Variants in MKX observed in about 807,000 individuals in gnomAD.
The protein encoded by MKX is mohawk homeobox, also known as homeobox protein Mohawk.
In MKX, 13 loss-of-function variants were observed where a neutral mutation model predicts 36.0. The observed-to-expected ratio is 0.36, with a 90% CI of 0.24 to 0.57. The LOEUF (loss-of-function observed/expected upper bound fraction) is 0.57, where lower values mean the gene tolerates loss of function less well. MKX is among the 20% of genes least tolerant of loss of function. The pLI, the probability that MKX is intolerant of heterozygous loss-of-function variation, is 0.79. For missense variants in MKX, 458 were observed against 456.4 expected, an observed-to-expected ratio of 1.00 and a Z score of -0.03; for synonymous variants, 176 against 178.3, an observed-to-expected ratio of 0.99 and a Z score of 0.10.
intron 5 of MKX, among the ~76,000 whole-genome samples, chr10:27,690,109 A>C (rs1836426453): frequency 1.3e-5 from 2 of 152,200 alleles, no homozygotes; most frequent in East Asian, 3.9e-4. Flanking sequence ...GTGGCGGCTC[A>C]CGCTTGTAAT....
intron 5 of MKX, among the ~76,000 whole-genome samples, chr10:27,676,963 C>T (rs745346008): frequency 3.3e-5 from 5 of 152,076 alleles, no homozygotes; most frequent in Admixed American, 1.3e-4. Context: ...AAAGAACCCA[C>T]GAAAATGGGT....
intron 5 of MKX, among the ~76,000 whole-genome samples, chr10:27,713,254 A>C (rs747227444): frequency 6.6e-6 from 1 of 152,180 alleles, no homozygotes; most frequent in African/African-American, 2.4e-5. Flanking sequence ...AGGGATTGCT[A>C]TTTAGATCAA....
intron 5 of MKX, among the ~76,000 whole-genome samples, chr10:27,707,939 A>G (rs963921933): frequency 6.6e-6 from 1 of 151,852 alleles, no homozygotes; most frequent in Admixed American, 6.6e-5. Context: ...ATGAAGGTAA[A>G]CAGGTCTCTG....
intron 5 of MKX, among the ~76,000 whole-genome samples, chr10:27,703,778 T>C (rs1564353460): frequency 6.6e-6 from 1 of 152,074 alleles, no homozygotes; most frequent in Non-Finnish European, 1.5e-5. Flanking sequence ...CGTGCACCTA[T>C]AATCCCAACT....
chr10:27,707,390 A>G (rs762278606), intron 5 of MKX, among the ~76,000 whole-genome samples: 1 of 152,306 alleles, frequency 6.6e-6, no homozygotes, highest in South Asian at 2.1e-4. Flanking sequence ...AAATATTTTC[A>G]TGGGTCCTGG....
At chr10:27,730,324 T>G (rs1834596029) in intron 5 of MKX, among the ~76,000 whole-genome samples, 1 of 152,224 alleles carries the variant, frequency 6.6e-6, no homozygotes, top group Non-Finnish European at 1.5e-5. Context: ...GCATTTGCTT[T>G]GATGTTTCTA....
intron 5 of MKX, among the ~76,000 whole-genome samples, chr10:27,724,103 G>A (rs762951505): frequency 6.6e-6 from 1 of 151,998 alleles, no homozygotes; most frequent in Non-Finnish European, 1.5e-5. Flanking sequence ...TGTAAAAAAT[G>A]TTCTCTTTAT....
intron 5 of MKX, among the ~76,000 whole-genome samples, chr10:27,711,428 T>G (rs1278307682): frequency 9.4e-4 from 117 of 125,088 alleles, no homozygotes; most frequent in Non-Finnish European, 9.6e-5. Flanking sequence ...TTCTTTCTTT[T>G]CTCTTTCTTT....
At position 27,741,165 on chromosome 10, in the gene MKX, C is replaced by A. The variant is rs1907376; in HGVS notation, c.348+180G>T. ...ACAGCGCATCCTGCATTCTTTCCTG[C>A]ACGGAGCATCTGCACTGAACTGAGG... is the stretch of plus-strand genomic sequence containing the variant. On this transcript the variant is annotated intron_variant, in intron 3 of 6. Transcript: ENST00000419761. This position sits in a 1 kb window ranked among gnomAD's most constrained non-coding sequence, Gnocchi z 5.1. 0.67 allele frequency among the ~76,000 whole-genome samples: 102,117 copies of A among 151,602 alleles called. 36,309 individuals carry two copies. Among genetic ancestry groups the A allele is most frequent in the Non-Finnish European group, 0.8 (54,199 of 67,826 alleles).
At chr10:27,685,238 T>TA (rs56177111) in intron 5 of MKX, among the ~76,000 whole-genome samples, 20 of 152,048 alleles carry the variant, frequency 1.3e-4, no homozygotes, top group Non-Finnish European at 2.4e-4. Flanking sequence ...GCATTGTATA[T>TA]GAAAGCCTAT....
At chr10:27,694,513 T>C (rs1836513518) in intron 5 of MKX, among the ~76,000 whole-genome samples, 1 of 34,368 alleles carries the variant, frequency 2.9e-5, no homozygotes, top group Admixed American at 3.8e-4. Flanking sequence ...ACCCCGTCTC[T>C]ACTAAAAAAA....
chr10:27,684,252 C>T (rs1260462925), intron 5 of MKX, among the ~76,000 whole-genome samples: 4 of 152,038 alleles, frequency 2.6e-5, no homozygotes, highest in Non-Finnish European at 5.9e-5. Context: ...GAGGTCAAGG[C>T]TGCATTGAGC....
At chr10:27,703,908 G>A (rs72797686) in intron 5 of MKX, among the ~76,000 whole-genome samples, 3,297 of 152,002 alleles carry the variant, frequency 0.022, 49 homozygotes, top group Non-Finnish European at 0.029. Flanking sequence ...TCCAAAAAAA[G>A]ACTACCAAAA....
chr10:27,698,750 G>A (rs1008492018), intron 5 of MKX, among the ~76,000 whole-genome samples: 7 of 152,068 alleles, frequency 4.6e-5, no homozygotes, highest in South Asian at 2.1e-4. Flanking sequence ...AAAGAAAACC[G>A]CGATGCGAAA....
intron 5 of MKX, among the ~76,000 whole-genome samples, chr10:27,684,306 C>A (rs565017270): frequency 6.6e-6 from 1 of 151,776 alleles, no homozygotes; most frequent in South Asian, 2.1e-4. Flanking sequence ...CAGAGTGAAA[C>A]CCTGTCTCAA....
At chr10:27,734,354 AAT>A in intron 5 of MKX, 100 bp downstream of exon 5, 2 of 1,057,328 alleles carry the variant, frequency 1.9e-6, no homozygotes, top group Non-Finnish European at 2.8e-6. Context: ...ATATGTGAAT[AAT>A]CTGATGTCTT....
intron 5 of MKX, among the ~76,000 whole-genome samples, chr10:27,684,291 G>T (rs531529934): frequency 1.8e-4 from 27 of 152,044 alleles, no homozygotes; most frequent in Admixed American, 3.9e-4. Context: ...CTTGGGCCTA[G>T]GTGACAGAGT....
chr10:27,687,937 T>G (rs1444764754), intron 5 of MKX, among the ~76,000 whole-genome samples: 1 of 152,224 alleles, frequency 6.6e-6, no homozygotes, highest in Non-Finnish European at 1.5e-5. Flanking sequence ...AGAGGCCGTG[T>G]AGTGTAATGG....
intron 5 of MKX, among the ~76,000 whole-genome samples, chr10:27,730,640 T>A (rs1834603916): frequency 6.6e-6 from 1 of 151,780 alleles, no homozygotes; most frequent in East Asian, 2.0e-4. Context: ...GTATTATTAG[T>A]GGAGACGGTG....
Sources: gnomAD v4.1 joint callset for allele counts (sites outside exome capture counted in the v4.1 genomes callset) on GRCh38, gnomAD v4.1.1 for gene constraint, Gnocchi (gnomAD v3.1) non-coding constraint, MANE v1.5 for transcripts, NCBI Gene and HGNC (gene_info 2026-07-23, HGNC 2026-07-21) for gene names.